The following RFX7 variants were observed in gnomAD, a reference collection of about 807,000 sequenced individuals.
The protein encoded by RFX7 is DNA-binding protein RFX7.
RFX7 carries 26 observed loss-of-function variants against 111.8 expected under a neutral mutation model. The ratio of observed to expected loss-of-function variants is 0.23; its 90% CI spans 0.17 to 0.32. RFX7 has a LOEUF of 0.32. RFX7 is among the 10% of genes least tolerant of loss of function. RFX7 has a pLI of 1.00. For missense variants in RFX7, 1,573 were observed against 1,772.9 expected, an observed-to-expected ratio of 0.89 and a Z score of 2.02; for synonymous variants, 624 against 624.4, an observed-to-expected ratio of 1.00 and a Z score of 0.01.
At chr15:56,242,291 A>G (rs1371408508) in intron 2 of RFX7, among the ~76,000 whole-genome samples, 4 of 152,224 alleles carry the variant, frequency 2.6e-5, no homozygotes, top group Non-Finnish European at 4.4e-5. Flanking sequence ...ATGCAAGTTC[A>G]TGTTCAAAGA....
intron 2 of RFX7, among the ~76,000 whole-genome samples, chr15:56,241,629 T>C (rs1329902307): frequency 6.6e-6 from 1 of 152,110 alleles, no homozygotes; most frequent in Non-Finnish European, 1.5e-5. Context: ...AAAACCTTGA[T>C]GGCAAGCAAG....
At chr15:56,224,684 C>G (rs2043463367) in intron 2 of RFX7, among the ~76,000 whole-genome samples, 1 of 151,892 alleles carries the variant, frequency 6.6e-6, no homozygotes, top group Non-Finnish European at 1.5e-5. Flanking sequence ...AAAAAAACAC[C>G]TAAGTTTTTT....
chr15:56,112,206 C>A (rs1310526736), intron 5 of RFX7, among the ~76,000 whole-genome samples: 2 of 151,602 alleles, frequency 1.3e-5, no homozygotes, highest in Non-Finnish European at 2.9e-5. Context: ...AAATAACTTG[C>A]CTAAGATGGT....
intron 3 of RFX7, among the ~76,000 whole-genome samples, chr15:56,160,051 TTC>T (rs759354607): frequency 2.0e-5 from 3 of 152,178 alleles, no homozygotes; most frequent in Non-Finnish European, 4.4e-5. Flanking sequence ...TCTCATGTTA[TTC>T]TGTTTGGTTT....
chr15:56,242,423 G>C (rs971025145), intron 2 of RFX7, among the ~76,000 whole-genome samples: 9 of 151,864 alleles, frequency 5.9e-5, no homozygotes, highest in Non-Finnish European at 1.2e-4. Flanking sequence ...GTAAAATAGC[G>C]AAAGATATTC....
chr15:56,243,400 A>AGAG (rs1296494989), intron 1 of RFX7, 45 bp downstream of exon 1: 69 of 915,412 alleles, frequency 7.5e-5, no homozygotes, highest in African/African-American at 1.9e-4. Context: ...GGGGAGGGGA[A>AGAG]GAGGAGGAGG....
intron 3 of RFX7, among the ~76,000 whole-genome samples, chr15:56,169,914 C>G: frequency 7.0e-6 from 1 of 143,838 alleles, no homozygotes; most frequent in African/African-American, 2.6e-5. Flanking sequence ...ATGGCAGAAA[C>G]AGAAAAAAAA....
rs1595983778 is a variant in RFX7, at chr15:56,169,806, C to G, written c.195+9464G>C. Among the ~76,000 whole-genome samples the G allele has an allele frequency of 2.0e-5, 3 of 148,362 alleles. No homozygotes were observed. In the East Asian group the frequency reaches 6.0e-4, roughly 30 times the overall value. On this transcript the variant is annotated intron_variant, in intron 3 of 9. Transcript: ENST00000559447. ...ATAAAGTTTTAGTTCCCCACGAGCA[C>G]TCTGGGGATGAGAGTGGGGTGGATT...
chr15:56,202,446 T>A (rs1489702519), intron 2 of RFX7, among the ~76,000 whole-genome samples: 1 of 152,222 alleles, frequency 6.6e-6, no homozygotes, highest in African/African-American at 2.4e-5. Context: ...AACAGCCACA[T>A]GCAACTAGTG....
chr15:56,213,001 A>G (rs2043328032), intron 2 of RFX7, among the ~76,000 whole-genome samples: 1 of 152,222 alleles, frequency 6.6e-6, no homozygotes, highest in Non-Finnish European at 1.5e-5. Context: ...AAGAACAGCT[A>G]TTAGAGAGTG....
rs1489029899 is a variant in RFX7, at chr15:56,243,048, C to G, written c.161+77G>C. 6 of 643,656 alleles carry G rather than the reference C, an allele frequency of 9.3e-6. No homozygotes were observed. The East Asian group carries it at 1.9e-4, about 21-fold the overall frequency. The allele number at this position is 643,656 out of a possible 1,614,324, so 39.9% of individuals were successfully genotyped here. ...CATCAGCCTCCTCCTCCGCTCCCCCCGCCCGCCGCCCCCCACCCACTTTGC... is the reference window on the plus strand; with the variant it reads ...CATCAGCCTCCTCCTCCGCTCCCCCGGCCCGCCGCCCCCCACCCACTTTGC... On this transcript the variant is annotated intron_variant, in intron 2 of 9. Transcript: ENST00000559447.
In RFX7 at chr15:56,089,861, G is replaced by A. The variant is rs1222236902; in HGVS notation, c.*3484C>T. The A allele has an allele frequency of 1.3e-5, 2 of 152,088 alleles. No individual in the cohort carries two copies. Among genetic ancestry groups the A allele is most frequent in the Non-Finnish European group, 2.9e-5 (2 of 68,046 alleles). 9.4% of individuals were successfully genotyped at this position (152,088 alleles called of 1,614,324 possible). A position where few individuals can be genotyped will look rare whatever the true frequency, so the allele number is the denominator to read the frequency against. On this transcript the variant is annotated 3_prime_UTR_variant, in exon 10 of 10. Coordinates refer to ENST00000559447, the MANE Select transcript of RFX7 (RefSeq NM_022841.7). ...CCACCTGTTCAAACTGAGGGCTCCA[G>A]ATCTATGGTGATAGTGGAACTATCA...
chr15:56,130,657 A>G (rs2042199918), intron 5 of RFX7, among the ~76,000 whole-genome samples: 1 of 152,070 alleles, frequency 6.6e-6, no homozygotes, highest in African/African-American at 2.4e-5. Context: ...CAAGAAAACC[A>G]GAAGGACCAA....
intron 5 of RFX7, among the ~76,000 whole-genome samples, chr15:56,141,373 C>G (rs1057144095): frequency 6.6e-6 from 1 of 151,544 alleles, no homozygotes; most frequent in Non-Finnish European, 1.5e-5. Context: ...TCTCAAAAAA[C>G]AAACAAACAA....
chr15:56,214,654 G>GC (rs2043345184), intron 2 of RFX7, among the ~76,000 whole-genome samples: 1 of 150,358 alleles, frequency 6.7e-6, no homozygotes, highest in South Asian at 2.1e-4. Context: ...GGAGGAGCTT[G>GC]CAGTGAGCTG....
intron 3 of RFX7, among the ~76,000 whole-genome samples, chr15:56,174,959 C>T (rs1459162916): frequency 6.6e-6 from 1 of 152,018 alleles, no homozygotes; most frequent in African/African-American, 2.4e-5. Context: ...AGCCTATCTC[C>T]CAGAGGTCCT....
At position 56,103,657 on chromosome 15, in the gene RFX7, T is replaced by C; in HGVS notation, c.415A>G (p.Asn139Asp). 6.3e-7 allele frequency: 1 copy of C among 1,591,944 alleles called. No individual in the cohort carries two copies. Among genetic ancestry groups the C allele is most frequent in the Non-Finnish European group, 8.6e-7 (1 of 1,167,626 alleles). ...GCACTTAATGGATGGTAACCAAGAT[T>C]GTCACAATAGCTCCTGCAAAAGAAG... The part of the protein sequence containing the change: ...VYDEYKSYCD[N>D]LGYHPLSAAD... The change falls in exon 6 of 10, where the codon AAT becomes GAT. Residue 139 changes from asparagine (N) to aspartate (D), a missense_variant. Coordinates refer to ENST00000559447, the MANE Select transcript of RFX7 (RefSeq NM_022841.7).
chr15:56,224,756 A>T (rs1309011954), intron 2 of RFX7, among the ~76,000 whole-genome samples: 1 of 152,038 alleles, frequency 6.6e-6, no homozygotes, highest in East Asian at 1.9e-4. Flanking sequence ...GATGTCTTCT[A>T]CTTAATAGAG....
intron 5 of RFX7, among the ~76,000 whole-genome samples, chr15:56,119,722 A>G (rs2140963250): frequency 6.7e-6 from 1 of 149,800 alleles, no homozygotes; most frequent in Non-Finnish European, 1.5e-5. Flanking sequence ...GGCTGCAATG[A>G]GCTGAGATCG....
Sources: gnomAD v4.1 joint callset for allele counts (sites outside exome capture counted in the v4.1 genomes callset) on GRCh38, gnomAD v4.1.1 for gene constraint, MANE v1.5 for transcripts, NCBI Gene and HGNC (gene_info 2026-07-23, HGNC 2026-07-21) for gene names.